MTCL3: variants seen among roughly 807,000 people sequenced by gnomAD.
The protein encoded by MTCL3 is microtubule cross-linking factor 3.
chr6:127,478,480 G>A, the MTCL3 span, among the ~76,000 whole-genome samples: 1 of 152,180 alleles, frequency 6.6e-6, no homozygotes, highest in African/African-American at 2.4e-5. Context: ...AATGGTTTTG[G>A]GTGAAGAATG....
At chr6:127,474,509 C>T in the MTCL3 span, among the ~76,000 whole-genome samples, 1 of 152,060 alleles carries the variant, frequency 6.6e-6, no homozygotes, top group Non-Finnish European at 1.5e-5. Context: ...AACTCCTGAC[C>T]TCCTGCCCTC....
chr6:127,515,625 G>A, the MTCL3 span: 2 of 1,413,772 alleles, frequency 1.4e-6, no homozygotes, highest in Non-Finnish European at 1.8e-6. This position sits in a 1 kb window ranked among gnomAD's most constrained non-coding sequence, Gnocchi z 4.3. Flanking sequence ...CCGCCTGCAT[G>A]CCCCCGCCGC....
At chr6:127,473,420 A>C in the MTCL3 span, 1 of 1,450,078 alleles carries the variant, frequency 6.9e-7, no homozygotes, top group South Asian at 1.3e-5. Context: ...AGACAAAGAG[A>C]AGAGTTAATT....
At chr6:127,487,026 T>C in the MTCL3 span, among the ~76,000 whole-genome samples, 1 of 152,194 alleles carries the variant, frequency 6.6e-6, no homozygotes, top group African/African-American at 2.4e-5. Context: ...AATATTTAGA[T>C]CTTTTGAGCC....
At chr6:127,515,102 C>T in the MTCL3 span, 3 of 1,481,406 alleles carry the variant, frequency 2.0e-6, no homozygotes, top group South Asian at 3.4e-5. This position sits in a 1 kb window ranked among gnomAD's most constrained non-coding sequence, Gnocchi z 4.3. Flanking sequence ...GCCCTTCCGA[C>T]ACACACCGTA....
the MTCL3 span, among the ~76,000 whole-genome samples, chr6:127,481,115 G>C: frequency 6.6e-6 from 1 of 152,322 alleles, no homozygotes; most frequent in East Asian, 1.9e-4. Context: ...GTGAGTGGAG[G>C]TCCATAAAGC....
At chr6:127,512,795 C>T in the MTCL3 span, 7 of 1,223,862 alleles carry the variant, frequency 5.7e-6, no homozygotes, top group Non-Finnish European at 7.8e-6. Flanking sequence ...GTCCTGCAAT[C>T]ATAAAAGAAA....
chr6:127,515,439 C>A, the MTCL3 span: 72 of 1,345,136 alleles, frequency 5.4e-5, no homozygotes, highest in African/African-American at 1.0e-3. This position sits in a 1 kb window ranked among gnomAD's most constrained non-coding sequence, Gnocchi z 4.3. Flanking sequence ...AGCCTCTGAT[C>A]CCTGCCGGTA....
chr6:127,515,692 G>A, the MTCL3 span: 1 of 1,555,068 alleles, frequency 6.4e-7, no homozygotes, highest in Admixed American at 2.0e-5. This position sits in a 1 kb window ranked among gnomAD's most constrained non-coding sequence, Gnocchi z 4.3. Context: ...CATTGGGGAG[G>A]CGGAGGCGAC....
At chr6:127,516,292 A>AGG in the MTCL3 span, 1 of 1,548,876 alleles carries the variant, frequency 6.5e-7, no homozygotes, top group Non-Finnish European at 8.7e-7. Context: ...TTTGGGCGCC[A>AGG]GGGGCGTCGC....
chr6:127,489,464 G>A, the MTCL3 span, among the ~76,000 whole-genome samples: 4 of 152,338 alleles, frequency 2.6e-5, no homozygotes, highest in East Asian at 7.7e-4. Context: ...CATGTCCAAA[G>A]CCAAGATAAA....
chr6:127,474,891 A>G, the MTCL3 span, among the ~76,000 whole-genome samples: 21 of 152,214 alleles, frequency 1.4e-4, no homozygotes, highest in African/African-American at 5.1e-4. Flanking sequence ...TGGCTCAAAA[A>G]CCACATATCA....
chr6:127,500,774 A>G, the MTCL3 span, among the ~76,000 whole-genome samples: 1 of 152,220 alleles, frequency 6.6e-6, no homozygotes. Flanking sequence ...ACATTAAATT[A>G]ACAAAGAACA....
chr6:127,475,622 G>A, the MTCL3 span: 3 of 1,599,558 alleles, frequency 1.9e-6, no homozygotes, highest in Non-Finnish European at 1.7e-6. The surrounding 1 kb of genome is among the most constrained non-coding windows in gnomAD (Gnocchi z 7.3). Flanking sequence ...CAGGGCCCGG[G>A]CGCCGGGTAG....
chr6:127,516,013 A>T, the MTCL3 span: 3 of 1,590,104 alleles, frequency 1.9e-6, no homozygotes, highest in Non-Finnish European at 2.6e-6. Context: ...CTGAGCGCGT[A>T]CGCCTTTCCC....
At chr6:127,514,367 T>G in the MTCL3 span, among the ~76,000 whole-genome samples, 1 of 152,198 alleles carries the variant, frequency 6.6e-6, no homozygotes, top group Non-Finnish European at 1.5e-5. Context: ...AAAGAAATCT[T>G]AACTCTAGTA....
the MTCL3 span, among the ~76,000 whole-genome samples, chr6:127,506,509 T>G: frequency 0.064 from 9,809 of 152,270 alleles, 374 homozygotes; most frequent in East Asian, 0.11. Flanking sequence ...CCAGCGTTTT[T>G]ACCTAATTTT....
At chr6:127,478,634 A>T in the MTCL3 span, among the ~76,000 whole-genome samples, 4 of 152,330 alleles carry the variant, frequency 2.6e-5, no homozygotes, top group Admixed American at 2.6e-4. Context: ...GCTCAGGTCT[A>T]GAAGTGAGGA....
At chr6:127,487,289 G>A in the MTCL3 span, among the ~76,000 whole-genome samples, 6 of 152,270 alleles carry the variant, frequency 3.9e-5, no homozygotes, top group South Asian at 6.2e-4. Flanking sequence ...ATCCTTTATG[G>A]TAACAGAGCG....
Sources: allele counts gnomAD v4.1 joint callset (sites outside exome capture counted in the v4.1 genomes callset), GRCh38; gene constraint gnomAD v4.1.1; non-coding constraint Gnocchi (gnomAD v3.1); transcripts MANE v1.5; gene names NCBI Gene and HGNC (gene_info 2026-07-23, HGNC 2026-07-21).